Variants in KIAA1755 observed in about 807,000 individuals in gnomAD.
KIAA1755 encodes the protein KIAA1755, also known as uncharacterized protein KIAA1755.
KIAA1755 carries 68 observed loss-of-function variants against 91.7 expected under a neutral mutation model. That is an observed-to-expected ratio of 0.74 (90% confidence interval 0.61 to 0.91). The LOEUF (loss-of-function observed/expected upper bound fraction) is 0.91. Ranked by LOEUF, KIAA1755 falls within the 40% of genes least tolerant of loss-of-function variation. The pLI, the probability that KIAA1755 is intolerant of heterozygous loss-of-function variation, is 0.00. For synonymous variants in KIAA1755, 610 were observed against 604.6 expected (o/e 1.01, Z -0.13); for missense variants, 1,535 against 1,494.4 (o/e 1.03, Z -0.45).
intron 7 of KIAA1755, among the ~76,000 whole-genome samples, chr20:38,226,287 G>A (rs560018811): frequency 6.6e-6 from 1 of 152,320 alleles, no homozygotes; most frequent in African/African-American, 2.4e-5. Context: ...AGAGAAATTT[G>A]AGGTTTATGC....
chr20:38,228,738 G>A (rs1205775990), intron 5 of KIAA1755, among the ~76,000 whole-genome samples: 6 of 152,126 alleles, frequency 3.9e-5, no homozygotes, highest in Non-Finnish European at 7.4e-5. Flanking sequence ...AGTTTTCCAG[G>A]GAAAGAGGCT....
At chr20:38,243,808 T>G (rs1281961368) in intron 2 of KIAA1755, among the ~76,000 whole-genome samples, 1 of 152,226 alleles carries the variant, frequency 6.6e-6, no homozygotes, top group Non-Finnish European at 1.5e-5. Context: ...GGAAGTGGGA[T>G]AGCGATAGCC....
At chr20:38,230,999 A>G (rs557622681) in intron 5 of KIAA1755, among the ~76,000 whole-genome samples, 27 of 152,016 alleles carry the variant, frequency 1.8e-4, no homozygotes, top group Non-Finnish European at 2.8e-4. Flanking sequence ...CACTCTGTCC[A>G]TCTCTCCCAC....
At chr20:38,257,008 C>G (rs2076350377) in intron 1 of KIAA1755, among the ~76,000 whole-genome samples, 2 of 152,102 alleles carry the variant, frequency 1.3e-5, no homozygotes, top group South Asian at 2.1e-4. Context: ...TTCCACTGCC[C>G]CACTCCCTGG....
Position 38,245,413 on chromosome 20 carries a change from A to G in KIAA1755, c.201+516T>C, listed in dbSNP as rs9917411. On this transcript the variant is annotated intron_variant, in intron 2 of 13. Transcript: ENST00000279024. ...CCACCCTTCCCTGGTTTGAGTGAGG[A>G]TTCTGTCATTTGCAGCCAATGAGTC... Among the ~76,000 whole-genome samples, 1,064 of 152,280 alleles carry G rather than the reference A, an allele frequency of 7.0e-3. 17 individuals carry two copies. Among genetic ancestry groups the G allele is most frequent in the African/African-American group, 0.025 (1,019 of 41,564 alleles).
chr20:38,241,117 T>C lies in KIAA1755; in HGVS notation c.1014A>G (p.Thr338=), dbSNP rs1206277142. 1 of 1,614,084 alleles carries C rather than the reference T, an allele frequency of 6.2e-7. No individual in the cohort carries two copies. ...GCCTCTCCTCAGAGCTTTCTGGCTT[T>C]GTGCAAGCCCGATTTCCCAAGGAAG... ...EGPSLGNRAC[T]KPESSEERPY... is the part of the protein sequence containing the mutation. Residue 338 remains threonine, a synonymous_variant, in exon 3 of 14, where the codon ACA becomes ACG. Transcript: ENST00000279024.
Position 38,217,637 on chromosome 20 carries a change from G to A in KIAA1755, c.2680-163C>T. The stretch of plus-strand genomic sequence containing the variant: ...GACCCTAATAGCACCCACCTCACAG[G>A]GCTTAGCTCCTGGTGAGGGTTGAAC... On this transcript the variant is annotated intron_variant, in intron 12 of 13. Coordinates refer to ENST00000279024, the MANE Select transcript of KIAA1755 (RefSeq NM_001029864.2). 2.8e-5 allele frequency: 17 copies of A among 602,224 alleles called. No individual in the cohort carries two copies. The South Asian group carries it at 3.4e-4, about 12-fold the overall frequency. The allele number at this position is 602,224 out of a possible 1,614,324, so 37.3% of individuals were successfully genotyped here. A position where few individuals can be genotyped will look rare whatever the true frequency, so the allele number is the denominator to read the frequency against.
At chr20:38,234,323 T>G (rs1030449031) in intron 4 of KIAA1755, among the ~76,000 whole-genome samples, 1 of 152,164 alleles carries the variant, frequency 6.6e-6, no homozygotes, top group East Asian at 1.9e-4. Flanking sequence ...CACCTCTTCC[T>G]GGAAGACCTC....
intron 2 of KIAA1755, among the ~76,000 whole-genome samples, chr20:38,245,382 C>G (rs2076139508): frequency 6.6e-6 from 1 of 152,212 alleles, no homozygotes; most frequent in African/African-American, 2.4e-5. Context: ...GGGCCTGAGG[C>G]CTGATCCACC....
chr20:38,223,612 G>T lies in KIAA1755; in HGVS notation c.2194C>A (p.Leu732Ile). ...FQKLDPFLAD[L>I]HQASSLLQAS... is the part of the protein sequence containing the mutation. Reference sequence around the variant, plus strand: ...TGTAGCAGGGAAGAGGCCTGGTGGAGGTCAGCAAGGAAAGGGTCCAGCTTC... The same window carrying T: ...TGTAGCAGGGAAGAGGCCTGGTGGATGTCAGCAAGGAAAGGGTCCAGCTTC... Residue 732 changes from leucine to isoleucine, a missense_variant, in exon 9 of 14, where the codon CTC (leucine) becomes ATC (isoleucine). By Grantham distance (5) the Leu-to-Ile change is conservative. Transcript: ENST00000279024. 6.2e-7 allele frequency: 1 copy of T among 1,605,262 alleles called. No homozygotes were observed.
intron 1 of KIAA1755, among the ~76,000 whole-genome samples, chr20:38,256,845 TG>T (rs2123355042): frequency 6.6e-6 from 1 of 152,308 alleles, no homozygotes; most frequent in Non-Finnish European, 1.5e-5. Flanking sequence ...TATGTGTTTG[TG>T]CTGTTTAAAT....
intron 7 of KIAA1755, among the ~76,000 whole-genome samples, chr20:38,226,095 C>T (rs2075752422): frequency 6.6e-6 from 1 of 152,202 alleles, no homozygotes; most frequent in African/African-American, 2.4e-5. Context: ...CCCAGTACAG[C>T]TCTCCGGGCA....
At chr20:38,217,883 C>T (rs1022041583) in intron 12 of KIAA1755, 15 of 393,472 alleles carry the variant, frequency 3.8e-5, no homozygotes, top group East Asian at 3.4e-4. Context: ...AGCGCTGATA[C>T]GGGGCTGAAT....
At chr20:38,260,169 A>T in intron 1 of KIAA1755, 1 of 1,367,810 alleles carries the variant, frequency 7.3e-7, no homozygotes, top group Non-Finnish European at 9.6e-7. Flanking sequence ...TCCAAAACAA[A>T]CATGCAAAAC....
At chr20:38,219,369 G>A (rs113448853) in intron 11 of KIAA1755, among the ~76,000 whole-genome samples, 125 of 152,318 alleles carry the variant, frequency 8.2e-4, no homozygotes, top group Middle Eastern at 6.8e-3. Context: ...TGTTCACAAC[G>A]GCTCTGGCCC....
At chr20:38,244,160 C>T (rs1416730225) in intron 2 of KIAA1755, among the ~76,000 whole-genome samples, 2 of 152,084 alleles carry the variant, frequency 1.3e-5, no homozygotes, top group African/African-American at 4.8e-5. Context: ...AGGAAGCGGC[C>T]AGTGCAAATG....
chr20:38,212,491 T>G lies in KIAA1755; in HGVS notation c.*551A>C, dbSNP rs190424244. 6.6e-6 allele frequency: 1 copy of G among 152,596 alleles called. No individual in the cohort carries two copies. The highest frequency in any genetic ancestry group is 1.5e-5 in the Non-Finnish European group (1 of 68,362). The allele number at this position is 152,596 out of a possible 1,614,324, so 9.5% of individuals were successfully genotyped here. A position where few individuals can be genotyped will look rare whatever the true frequency, so the allele number is the denominator to read the frequency against. On this transcript the variant is annotated 3_prime_UTR_variant, in exon 14 of 14. Transcript: ENST00000279024. ...AGAAAATTTGCTTGACAACATACTC[T>G]TTATTCCCTTTGCAGATTCGCCTCC...
chr20:38,241,800 G>A lies in KIAA1755; in HGVS notation c.331C>T (p.Pro111Ser), dbSNP rs746782843. ...RQGDFYLQVE[P>S]QEEQSVCIMI... The stretch of plus-strand genomic sequence containing the variant: ...ATGCAGACAGACTGCTCCTCCTGGG[G>A]CTCCACTTGGAGGTAGAAGTCACCC... The change falls in exon 3 of 14, where the codon CCC becomes TCC. Residue 111 changes from proline (P) to serine (S), a missense_variant. Transcript: ENST00000279024. The A allele has an allele frequency of 1.2e-6, 2 of 1,614,188 alleles. No homozygotes were observed. Among genetic ancestry groups the A allele is most frequent in the African/African-American group, 1.3e-5 (1 of 75,040 alleles).
chr20:38,227,267 G>A (rs756715515), intron 6 of KIAA1755, 27 bp from the exon 7 acceptor site: 10 of 1,570,602 alleles, frequency 6.4e-6, no homozygotes, highest in African/African-American at 2.7e-5. Context: ...CTGCAGAGTT[G>A]CTCTGCCCAA....
Sources: gnomAD v4.1 joint callset for allele counts (sites outside exome capture counted in the v4.1 genomes callset) on GRCh38, gnomAD v4.1.1 for gene constraint, MANE v1.5 for transcripts, NCBI Gene and HGNC (gene_info 2026-07-23, HGNC 2026-07-21) for gene names.